Variants in APOO observed in about 807,000 individuals in gnomAD.
APOO encodes MICOS complex subunit MIC26.
A neutral mutation model predicts 23.1 loss-of-function variants in APOO; 11 were observed. That is an observed-to-expected ratio of 0.48 (90% CI 0.30 to 0.79). The LOEUF (loss-of-function observed/expected upper bound fraction) is 0.79, where lower values mean the gene tolerates loss of function less well. Ranked by LOEUF, APOO falls within the 30% of genes least tolerant of loss-of-function variation. The pLI, the probability that APOO is intolerant of heterozygous loss-of-function variation, is 0.07. For synonymous variants in APOO, 59 were observed against 54.8 expected, an observed-to-expected ratio of 1.08 and a Z score of -0.34; for missense variants, 160 against 142.7, an observed-to-expected ratio of 1.12 and a Z score of -0.62.
chrX:23,851,333 C>G (rs1055913923), intron 7 of APOO, among the ~76,000 whole-genome samples: 1 of 110,987 alleles, frequency 9.0e-6, no homozygotes, highest in Non-Finnish European at 1.9e-5. Context: ...GCTGGGATTA[C>G]AGGCACCTGC....
At chrX:23,882,144 C>G (rs774640833) in intron 1 of APOO, among the ~76,000 whole-genome samples, 1 of 110,805 alleles carries the variant, frequency 9.0e-6, no homozygotes, top group South Asian at 3.8e-4. Flanking sequence ...CAAAAGAAAT[C>G]TGTAGCAAAA....
intron 7 of APOO, among the ~76,000 whole-genome samples, chrX:23,850,601 C>T (rs781245436): frequency 9.9e-5 from 11 of 111,545 alleles, no homozygotes; most frequent in South Asian, 7.4e-4. Flanking sequence ...CTGAGGAGGG[C>T]GGATCACCTG....
chrX:23,897,932 T>C (rs112746984), intron 1 of APOO, among the ~76,000 whole-genome samples: 2,895 of 103,809 alleles, frequency 0.028, 116 homozygotes, highest in African/African-American at 0.095. Context: ...GAGGTGGAGG[T>C]TGCAGTGAGC....
intron 5 of APOO, among the ~76,000 whole-genome samples, chrX:23,859,882 TAAAC>T (rs1434299700): frequency 8.9e-6 from 1 of 111,798 alleles, no homozygotes; most frequent in Admixed American, 9.6e-5. Flanking sequence ...ATTTTAAAAA[TAAAC>T]AAATGAGTAT....
At chrX:23,862,342 A>G (rs1203873667) in intron 5 of APOO, among the ~76,000 whole-genome samples, 1 of 111,995 alleles carries the variant, frequency 8.9e-6, no homozygotes, top group Non-Finnish European at 1.9e-5. Context: ...GCTCTTGGAA[A>G]TGACCAAAGC....
At chrX:23,887,478 C>T (rs779952517) in intron 1 of APOO, among the ~76,000 whole-genome samples, 18 of 109,263 alleles carry the variant, frequency 1.6e-4, no homozygotes, top group Non-Finnish European at 2.7e-4. Context: ...GTGATCCGTC[C>T]GCCTCGGCCT....
chrX:23,902,842 C>T (rs907469805), intron 1 of APOO, among the ~76,000 whole-genome samples: 1 of 111,200 alleles, frequency 9.0e-6, no homozygotes, highest in Non-Finnish European at 1.9e-5. Context: ...TCCCAAACCC[C>T]GATCAATCCT....
intron 4 of APOO, among the ~76,000 whole-genome samples, chrX:23,869,640 GAAA>G (rs761388017): frequency 2.7e-4 from 9 of 33,933 alleles, no homozygotes; most frequent in African/African-American, 9.4e-4. Context: ...CTCTTAAAAA[GAAA>G]AAAAAAAAAA....
intron 5 of APOO, among the ~76,000 whole-genome samples, chrX:23,860,277 G>A (rs753974657): frequency 1.8e-5 from 2 of 110,489 alleles, no homozygotes; most frequent in South Asian, 7.8e-4. Flanking sequence ...CAGGACAAAC[G>A]CAAGTCCGAT....
At chrX:23,882,495 T>A (rs1037366647) in intron 1 of APOO, among the ~76,000 whole-genome samples, 10 of 111,873 alleles carry the variant, frequency 8.9e-5, no homozygotes, top group African/African-American at 2.9e-4. Flanking sequence ...CATTTCCTTT[T>A]GTCTCATTTG....
At chrX:23,879,486 G>A (rs1926015178) in intron 2 of APOO, among the ~76,000 whole-genome samples, 1 of 111,935 alleles carries the variant, frequency 8.9e-6, no homozygotes, top group Admixed American at 9.5e-5. Context: ...AGGGTTACAA[G>A]CAACCTGAAC....
At chrX:23,877,263 C>G (rs1451309206) in intron 3 of APOO, among the ~76,000 whole-genome samples, 1 of 111,868 alleles carries the variant, frequency 8.9e-6, no homozygotes, top group Non-Finnish European at 1.9e-5. Flanking sequence ...TCTTCTAGAA[C>G]AAGAGAATAA....
chrX:23,874,090 T>C (rs1005209252), intron 4 of APOO, among the ~76,000 whole-genome samples: 1 of 112,201 alleles, frequency 8.9e-6, no homozygotes, highest in African/African-American at 3.2e-5. Context: ...AGAAAATCTA[T>C]TGATGAATTA....
At chrX:23,888,991 A>C (rs1926505039) in intron 1 of APOO, among the ~76,000 whole-genome samples, 2 of 108,299 alleles carry the variant, frequency 1.8e-5, no homozygotes, top group Admixed American at 2.0e-4. Flanking sequence ...AAAAAAAAAA[A>C]AATTAGCCAG....
chrX:23,871,543 T>A (rs1925623968), intron 4 of APOO, among the ~76,000 whole-genome samples: 1 of 111,135 alleles, frequency 9.0e-6, no homozygotes, highest in Non-Finnish European at 1.9e-5. Flanking sequence ...GGGCCCAGTG[T>A]GCAATGCCTG....
Position 23,907,684 on chromosome X carries a change from A to C in APOO, c.9+10T>G. 3.0e-5 allele frequency: 35 copies of C among 1,157,326 alleles called. No homozygotes were observed. Among genetic ancestry groups the C allele is most frequent in the Non-Finnish European group, 3.9e-5 (34 of 869,122 alleles). ...GCGGTGACAGCTGTGACTCGACTCC[A>C]CGCTCTCACCTTGAACATGTCGCTG... On this transcript the variant is annotated intron_variant, in intron 1 of 8. Transcript: ENST00000379226.
intron 3 of APOO, among the ~76,000 whole-genome samples, chrX:23,877,127 C>G (rs776072564): frequency 1.0e-4 from 11 of 108,913 alleles, no homozygotes; most frequent in Non-Finnish European, 2.1e-4. Flanking sequence ...ACTTTTATTG[C>G]CAAAAAAACC....
intron 1 of APOO, among the ~76,000 whole-genome samples, chrX:23,896,335 C>T (rs1444074784): frequency 6.3e-5 from 7 of 110,908 alleles, no homozygotes; most frequent in African/African-American, 2.0e-4. Context: ...ATTCTTATCT[C>T]TATTTCCTGA....
chrX:23,895,875 T>TA lies in APOO; in HGVS notation c.9+11818dup, dbSNP rs1238646772. On this transcript the variant is annotated intron_variant, in intron 1 of 8. Coordinates refer to ENST00000379226, the MANE Select transcript of APOO (RefSeq NM_024122.5). ...GAAGAAAAGAAAATGGCATTTTTTT[T>TA]AAAAAAAAAAAAGAGGAAGGGGACT... is the stretch of plus-strand genomic sequence containing the variant. Among the ~76,000 whole-genome samples, 185 of 103,836 alleles carry TA rather than the reference T, an allele frequency of 1.8e-3. 1 individual carries two copies. In the South Asian group the frequency reaches 0.022, roughly 12 times the overall value. 90.2% of individuals were successfully genotyped at this position (103,836 alleles called of 115,157 possible). A position where few individuals can be genotyped will look rare whatever the true frequency, so the allele number is the denominator to read the frequency against.
Sources: allele counts gnomAD v4.1 joint callset (sites outside exome capture counted in the v4.1 genomes callset), GRCh38; gene constraint gnomAD v4.1.1; transcripts MANE v1.5; gene names NCBI Gene and HGNC (gene_info 2026-07-23, HGNC 2026-07-21).